SRRM4: variants seen among roughly 807,000 people sequenced by gnomAD.
SRRM4 encodes the protein serine/arginine repetitive matrix 4.
A neutral mutation model predicts 68.9 loss-of-function variants in SRRM4; 33 were observed. The observed-to-expected ratio is 0.48, with a 90% confidence interval of 0.36 to 0.64. The LOEUF is 0.64. SRRM4 is among the 30% of genes least tolerant of loss of function. The probability of loss-of-function intolerance (pLI) is 0.00; values close to 1 mark genes in which losing one functional copy is unlikely to be tolerated. For missense variants in SRRM4, 817 were observed against 827.1 expected (o/e 0.99, Z 0.15); for synonymous variants, 318 against 318.8 (o/e 1.00, Z 0.03).
At chr12:119,093,403 G>A (rs1954026052) in intron 1 of SRRM4, among the ~76,000 whole-genome samples, 1 of 152,142 alleles carries the variant, frequency 6.6e-6, no homozygotes, top group South Asian at 2.1e-4. Flanking sequence ...CCTTTCCTGG[G>A]TTGGGGGTTT....
chr12:119,006,942 G>A (rs958553305), intron 1 of SRRM4, among the ~76,000 whole-genome samples: 3 of 152,242 alleles, frequency 2.0e-5, no homozygotes, highest in African/African-American at 7.2e-5. Flanking sequence ...GGGCTGGGAG[G>A]AGCCCGTGAG....
At chr12:119,031,949 G>T (rs1257648652) in intron 1 of SRRM4, among the ~76,000 whole-genome samples, 1 of 152,000 alleles carries the variant, frequency 6.6e-6, no homozygotes, top group Non-Finnish European at 1.5e-5. Flanking sequence ...GTCAAACCCA[G>T]CAATATTTAC....
intron 9 of SRRM4, 34 bp from the exon 10 acceptor site, chr12:119,150,983 C>T (rs1471467983): frequency 6.3e-7 from 1 of 1,598,484 alleles, no homozygotes; most frequent in Non-Finnish European, 8.6e-7. Flanking sequence ...GAGTAGTGGG[C>T]AGTCGGTGCT....
chr12:119,053,987 C>A (rs1267158993), intron 1 of SRRM4, among the ~76,000 whole-genome samples: 1 of 152,156 alleles, frequency 6.6e-6, no homozygotes, highest in Non-Finnish European at 1.5e-5. Context: ...TTCATTCTTT[C>A]TATTTTCTTT....
intron 1 of SRRM4, among the ~76,000 whole-genome samples, chr12:119,006,687 T>C (rs914554551): frequency 3.3e-5 from 5 of 152,250 alleles, no homozygotes; most frequent in Non-Finnish European, 7.3e-5. Flanking sequence ...AGAATTTGTG[T>C]CCTTGGCCAG....
At chr12:119,114,255 G>A (rs1369420295) in intron 2 of SRRM4, 23 bp from the exon 3 acceptor site, 3 of 1,601,806 alleles carry the variant, frequency 1.9e-6, no homozygotes, top group Non-Finnish European at 2.6e-6. Flanking sequence ...GTTATCTAAT[G>A]CTCCTCTCTT....
intron 1 of SRRM4, among the ~76,000 whole-genome samples, chr12:119,073,399 C>A (rs183245810): frequency 6.7e-6 from 1 of 149,460 alleles, no homozygotes; most frequent in East Asian, 2.0e-4. Context: ...AAGATCATGG[C>A]TCACTGCAAC....
intron 1 of SRRM4, among the ~76,000 whole-genome samples, chr12:119,034,102 A>C (rs970886065): frequency 2.6e-5 from 4 of 152,172 alleles, no homozygotes; most frequent in Non-Finnish European, 5.9e-5. Context: ...TGTGGAAAGA[A>C]AGGAAAGGGA....
chr12:119,077,440 T>A (rs1953923265), intron 1 of SRRM4, among the ~76,000 whole-genome samples: 1 of 152,190 alleles, frequency 6.6e-6, no homozygotes, highest in East Asian at 1.9e-4. Flanking sequence ...TTATTTTATC[T>A]TTTTGAACAT....
chr12:119,137,566 A>G (rs1954337114), intron 8 of SRRM4, among the ~76,000 whole-genome samples: 1 of 148,020 alleles, frequency 6.8e-6, no homozygotes, highest in African/African-American at 2.6e-5. Context: ...AGGAACAAGG[A>G]GATGAGGCGA....
At chr12:119,149,142 G>A (rs1196191805) in intron 9 of SRRM4, among the ~76,000 whole-genome samples, 6 of 152,234 alleles carry the variant, frequency 3.9e-5, no homozygotes, top group African/African-American at 1.4e-4. Context: ...GAGGTCAAGA[G>A]ATCAAAGCCA....
chr12:119,095,666 A>C (rs1954039734), intron 1 of SRRM4, among the ~76,000 whole-genome samples: 1 of 152,148 alleles, frequency 6.6e-6, no homozygotes, highest in South Asian at 2.1e-4. Flanking sequence ...GTGGAATATA[A>C]GATTCAGGCC....
At chr12:119,126,077 G>A (rs1467394121) in intron 7 of SRRM4, among the ~76,000 whole-genome samples, 5 of 127,088 alleles carry the variant, frequency 3.9e-5, no homozygotes, top group African/African-American at 1.5e-4. Context: ...AGTCTGGAGT[G>A]CAGGGGGGCG....
At chr12:119,093,871 C>G (rs1002367370) in intron 1 of SRRM4, among the ~76,000 whole-genome samples, 10 of 152,124 alleles carry the variant, frequency 6.6e-5, no homozygotes, top group Non-Finnish European at 1.5e-4. Flanking sequence ...TCTCATGAAG[C>G]AAATAGGCAA....
chr12:119,108,900 C>A (rs1353125731), intron 2 of SRRM4, among the ~76,000 whole-genome samples: 2 of 152,190 alleles, frequency 1.3e-5, no homozygotes, highest in African/African-American at 2.4e-5. Context: ...TTAGTTGATG[C>A]AATTTCTTCC....
intron 1 of SRRM4, among the ~76,000 whole-genome samples, chr12:119,025,075 G>T (rs558208703): frequency 6.6e-6 from 1 of 152,234 alleles, no homozygotes; most frequent in African/African-American, 2.4e-5. Flanking sequence ...AGTGTTCTGG[G>T]CATTCAGTGC....
chr12:119,134,976 A>G (rs1954319358), intron 8 of SRRM4, among the ~76,000 whole-genome samples: 1 of 152,186 alleles, frequency 6.6e-6, no homozygotes, highest in Non-Finnish European at 1.5e-5. Flanking sequence ...CATACTTTAC[A>G]TAATTTTTGC....
At chr12:119,024,835 A>T (rs1404307664) in intron 1 of SRRM4, among the ~76,000 whole-genome samples, 1 of 152,108 alleles carries the variant, frequency 6.6e-6, no homozygotes, top group South Asian at 2.1e-4. Context: ...CTCTATCCTG[A>T]AAAACAAGGA....
Position 119,154,989 on chromosome 12 carries a change from C to G in SRRM4, c.1532+606C>G, listed in dbSNP as rs964039418. ...CTGAATGTACCACTTTGCAGGTGAC[C>G]TAGGAAAGGCTCTTACCTTCCTGAG... is the stretch of plus-strand genomic sequence containing the variant. On this transcript the variant is annotated intron_variant, in intron 12 of 12. Transcript: ENST00000267260. The surrounding 1 kb of genome is among the most constrained non-coding windows in gnomAD (Gnocchi z 4.7). Among the ~76,000 whole-genome samples the G allele has an allele frequency of 6.6e-6, 1 of 152,184 alleles. No individual in the cohort carries two copies. Among genetic ancestry groups the G allele is most frequent in the African/African-American group, 2.4e-5 (1 of 41,444 alleles).
Sources: allele counts gnomAD v4.1 joint callset (sites outside exome capture counted in the v4.1 genomes callset), GRCh38; gene constraint gnomAD v4.1.1; non-coding constraint Gnocchi (gnomAD v3.1); transcripts MANE v1.5; gene names NCBI Gene and HGNC (gene_info 2026-07-23, HGNC 2026-07-21).